The following CUX2 variants were observed in gnomAD, a reference collection of about 807,000 sequenced individuals.
The protein encoded by CUX2 is homeobox protein cut-like 2.
A neutral mutation model predicts 144.8 loss-of-function variants in CUX2; 40 were observed. The observed-to-expected ratio is 0.28, with a 90% CI of 0.21 to 0.36. The LOEUF (loss-of-function observed/expected upper bound fraction) is 0.36, where lower values mean the gene tolerates loss of function less well. Among genes scored for constraint, CUX2 ranks in the 10% least tolerant of loss-of-function variants. The pLI is 1.00. For synonymous variants in CUX2, 827 were observed against 875.6 expected, an observed-to-expected ratio of 0.94 and a Z score of 0.98; for missense variants, 1,615 against 1,994.0, an observed-to-expected ratio of 0.81 and a Z score of 3.62.
At position 111,263,557 on chromosome 12, in the gene CUX2, G is replaced by A. The variant is rs148620118; in HGVS notation, c.223-204G>A. Among the ~76,000 whole-genome samples, 1,152 of 152,172 alleles carry A rather than the reference G, an allele frequency of 7.6e-3. 16 individuals carry two copies. Among genetic ancestry groups the A allele is most frequent in the African/African-American group, 0.026 (1,067 of 41,496 alleles). On this transcript the variant is annotated intron_variant, in intron 3 of 21. Coordinates refer to ENST00000261726, the MANE Select transcript of CUX2 (RefSeq NM_015267.4). This position sits in a 1 kb window ranked among gnomAD's most constrained non-coding sequence, Gnocchi z 4.0. ...GAAGAATTACTTGAACCCAGGAGGC[G>A]GAGGTTACAGTGAGCTGAGATCATT...
At chr12:111,163,504 C>A (rs1877917637) in intron 1 of CUX2, among the ~76,000 whole-genome samples, 1 of 152,158 alleles carries the variant, frequency 6.6e-6, no homozygotes, top group South Asian at 2.1e-4. Context: ...CTGTCAGCAG[C>A]CATTGTCCCT....
intron 1 of CUX2, among the ~76,000 whole-genome samples, chr12:111,063,254 G>C (rs1195756051): frequency 2.0e-5 from 3 of 152,154 alleles, no homozygotes; most frequent in African/African-American, 7.2e-5. Context: ...TCAAATACAG[G>C]CTTCTTTTCT....
At chr12:111,194,380 G>A (rs920356327) in intron 1 of CUX2, among the ~76,000 whole-genome samples, 1 of 152,178 alleles carries the variant, frequency 6.6e-6, no homozygotes, top group Non-Finnish European at 1.5e-5. Context: ...CTGGCAGGCC[G>A]GGGTCCAACT....
intron 4 of CUX2, among the ~76,000 whole-genome samples, chr12:111,276,773 G>A (rs1259202271): frequency 6.6e-6 from 1 of 152,086 alleles, no homozygotes; most frequent in Non-Finnish European, 1.5e-5. Flanking sequence ...TCAGCCTCCC[G>A]AGTAGCTGGG....
intron 1 of CUX2, among the ~76,000 whole-genome samples, chr12:111,111,266 C>T (rs781584495): frequency 5.3e-5 from 8 of 151,988 alleles, no homozygotes; most frequent in Admixed American, 2.0e-4. Context: ...TGCATCACTG[C>T]ACTCCAGTCT....
At chr12:111,114,186 A>AT (rs1285885766) in intron 1 of CUX2, among the ~76,000 whole-genome samples, 1 of 152,144 alleles carries the variant, frequency 6.6e-6, no homozygotes, top group Non-Finnish European at 1.5e-5. Flanking sequence ...TGGCTGTACC[A>AT]TTTTGCATTT....
chr12:111,116,527 T>C (rs7303426), intron 1 of CUX2, among the ~76,000 whole-genome samples: 4,812 of 152,296 alleles, frequency 0.032, 265 homozygotes, highest in African/African-American at 0.11. Context: ...AGCATTTCTA[T>C]GGAAGACTTT....
Position 111,039,291 on chromosome 12 carries a change from C to T in CUX2, c.63+5051C>T, listed in dbSNP as rs749928622. ...GTCCCATCTTCTGTTTGATATTTTT[C>T]CTCTGGGGGTGCTCATTATTTATGA... On this transcript the variant is annotated intron_variant, in intron 1 of 21. Transcript: ENST00000261726. This position sits in a 1 kb window ranked among gnomAD's most constrained non-coding sequence, Gnocchi z 4.2. Among the ~76,000 whole-genome samples the T allele has an allele frequency of 1.8e-4, 27 of 151,972 alleles. No homozygotes were observed. The highest frequency in any genetic ancestry group is 3.4e-4 in the Non-Finnish European group (23 of 68,004).
chr12:111,240,868 A>G (rs1267375956), intron 3 of CUX2, among the ~76,000 whole-genome samples: 1 of 152,204 alleles, frequency 6.6e-6, no homozygotes, highest in African/African-American at 2.4e-5. Flanking sequence ...GTATCTATTA[A>G]TACCTCAGGG....
chr12:111,317,295 T>C (rs1219536906), intron 16 of CUX2, among the ~76,000 whole-genome samples: 1 of 152,194 alleles, frequency 6.6e-6, no homozygotes, highest in African/African-American at 2.4e-5. Context: ...TGGTTAATTG[T>C]CATTCCTCAG....
Position 111,348,213 on chromosome 12 carries a change from A to T in CUX2, c.4349A>T (p.Lys1450Met). Residue 1450 changes from lysine (K) to methionine (M), a missense_variant, in exon 22 of 22, where the codon AAG (lysine) becomes ATG (methionine). Lys to Met is a moderately conservative substitution (Grantham distance 95). This residue lies in a region of CUX2 where 298 missense variants were observed against 330.4 expected (regional missense o/e 0.90). Transcript: ENST00000261726. ...DMAGALHPSA[K>M]VNPNLQRRHE... ...GCTGGAGCCTTGCACCCCAGTGCCA[A>T]GGTGAACCCCAACTTGCAGCGGCGG... 6.2e-7 allele frequency: 1 copy of T among 1,614,060 alleles called. No homozygotes were observed. Among genetic ancestry groups the T allele is most frequent in the Non-Finnish European group, 8.5e-7 (1 of 1,180,026 alleles).
intron 20 of CUX2, among the ~76,000 whole-genome samples, chr12:111,340,426 A>G (rs1888528381): frequency 6.6e-6 from 1 of 151,904 alleles, no homozygotes; most frequent in African/African-American, 2.4e-5. Context: ...AGGATATTGT[A>G]GGCTAGATGT....
chr12:111,045,248 CG>C lies in CUX2; in HGVS notation c.63+11014del, dbSNP rs545538989. ...TGCGCAGGGACCCCTCGTTTATAAT[CG>C]GGGGGAGACCCATCTTTCCTTCTTT... On this transcript the variant is annotated intron_variant, in intron 1 of 21. Transcript: ENST00000261726. Among the ~76,000 whole-genome samples the C allele has an allele frequency of 3.8e-3, 578 of 152,208 alleles. 3 individuals are homozygous for C. The highest frequency in any genetic ancestry group is 0.013 in the African/African-American group (540 of 41,534).
chr12:111,182,858 A>G (rs557418941), intron 1 of CUX2, among the ~76,000 whole-genome samples: 6 of 152,180 alleles, frequency 3.9e-5, no homozygotes, highest in African/African-American at 7.2e-5. Context: ...AGGGGAGCCA[A>G]TGAAGGGACT....
rs146780156 is a variant in CUX2, at chr12:111,088,626, C to T, written c.63+54386C>T. On this transcript the variant is annotated intron_variant, in intron 1 of 21. Coordinates refer to ENST00000261726, the MANE Select transcript of CUX2 (RefSeq NM_015267.4). ...CCTGTGGAGTAGATGGAGATGATGT[C>T]ACCATTTTTCAGAGAAGGAAAAGGC... 4.7e-4 allele frequency among the ~76,000 whole-genome samples: 71 copies of T among 152,256 alleles called. 1 individual carries two copies. The East Asian group carries it at 0.014, about 29-fold the overall frequency.
At position 111,324,364 on chromosome 12, in the gene CUX2, AAAG is replaced by A. The variant is rs1417753747; in HGVS notation, c.2926+1787_2926+1789del. On this transcript the variant is annotated intron_variant, in intron 18 of 21. Transcript: ENST00000261726. ...AGACTCTGTCTCAAAAAAAAAAAAA[AAAG>A]AAAGAAAGAAATGCATAAGGAGGCA... Among the ~76,000 whole-genome samples the A allele has an allele frequency of 2.6e-3, 230 of 87,074 alleles. 1 individual carries two copies. The East Asian group carries it at 0.06, about 23-fold the overall frequency. The allele number at this position is 87,074 out of a possible 152,430, so 57.1% of individuals were successfully genotyped here.
At chr12:111,066,134 T>G (rs1871010395) in intron 1 of CUX2, among the ~76,000 whole-genome samples, 1 of 152,230 alleles carries the variant, frequency 6.6e-6, no homozygotes, top group Non-Finnish European at 1.5e-5. Context: ...TGGGCACCTA[T>G]CTATCCCATG....
At chr12:111,244,598 T>C (rs140194304) in intron 3 of CUX2, among the ~76,000 whole-genome samples, 1 of 152,358 alleles carries the variant, frequency 6.6e-6, no homozygotes, top group Non-Finnish European at 1.5e-5. Flanking sequence ...CAGTTGGATC[T>C]AGAGGCATGA....
At chr12:111,248,849 T>C (rs910657242) in intron 3 of CUX2, among the ~76,000 whole-genome samples, 1 of 152,180 alleles carries the variant, frequency 6.6e-6, no homozygotes, top group African/African-American at 2.4e-5. Context: ...ACTCTTCTGG[T>C]TTTTAAATAC....
Sources: gnomAD v4.1 joint callset for allele counts (sites outside exome capture counted in the v4.1 genomes callset) on GRCh38, gnomAD v4.1.1 for gene constraint, gnomAD v4.1.1 regional missense constraint, Gnocchi (gnomAD v3.1) non-coding constraint, MANE v1.5 for transcripts, NCBI Gene and HGNC (gene_info 2026-07-23, HGNC 2026-07-21) for gene names.